The following TTN variants were observed in gnomAD, a reference collection of about 807,000 sequenced individuals.
TTN encodes the protein titin.
A neutral mutation model predicts 3,223.0 loss-of-function variants in TTN; 1,525 were observed. The ratio of observed to expected loss-of-function variants is 0.47; its 90% CI spans 0.45 to 0.49. The LOEUF (loss-of-function observed/expected upper bound fraction) is 0.49, where lower values mean the gene tolerates loss of function less well. Among genes scored for constraint, TTN ranks in the 20% least tolerant of loss-of-function variants. TTN has a pLI of 0.00. For synonymous variants in TTN, 14,094 were observed against 15,161.0 expected, an observed-to-expected ratio of 0.93 and a Z score of 5.17; for missense variants, 40,786 against 43,424.0, an observed-to-expected ratio of 0.94 and a Z score of 5.40.
intron 294 of TTN, among the ~76,000 whole-genome samples, chr2:178,596,722 AT>A (rs2051739338): frequency 6.6e-6 from 1 of 152,088 alleles, no homozygotes; most frequent in Non-Finnish European, 1.5e-5. Flanking sequence ...TGCCATTCTT[AT>A]ATTAATTATA....
chr2:178,775,926 T>C lies in TTN; in HGVS notation c.5938A>G (p.Lys1980Glu), dbSNP rs1437972644. The part of the protein sequence containing the change: ...TTETKEVVKL[K>E]RAERITHEKV... ...TCATGGGTAATTCTTTCAGCCCTTT[T>C]CAACTTCACAACTTCTTTGGTTTCA... The change falls in exon 28 of 363, where the codon AAA becomes GAA. Residue 1980 changes from lysine to glutamate, a missense_variant. Coordinates refer to ENST00000589042, the MANE Select transcript of TTN (RefSeq NM_001267550.2). 6.2e-7 allele frequency: 1 copy of C among 1,614,186 alleles called. No homozygotes were observed. The highest frequency in any genetic ancestry group is 8.5e-7 in the Non-Finnish European group (1 of 1,180,024).
rs781329648 is a variant in TTN, at chr2:178,741,620, G to A, written c.11613C>T (p.Asp3871=). Residue 3871 remains aspartate, a synonymous_variant, in exon 48 of 363, where the codon GAC becomes GAT. Transcript: ENST00000589042. ...GAATGATCAGGCTATGATCATCACC[G>A]TCAAAAACAAATTTGTAGTCAGCAG... ...TPSADYKFVF[D]GDDHSLIILF... 56 of 1,613,730 alleles carry A rather than the reference G, an allele frequency of 3.5e-5. No individual in the cohort carries two copies. Among genetic ancestry groups the A allele is most frequent in the South Asian group, 5.5e-5 (5 of 91,076 alleles).
chr2:178,556,455 C>CAAAAAAAA (rs1358914365), intron 330 of TTN: 2 of 182,754 alleles, frequency 1.1e-5, no homozygotes, highest in African/African-American at 2.5e-5. Context: ...AACAAACAAA[C>CAAAAAAAA]AAAAAAAAAA....
Position 178,636,012 on chromosome 2 carries a change from A to G in TTN, c.41559T>C (p.Thr13853=), listed in dbSNP as rs2060390413. The change falls in exon 226 of 363, where the codon ACT becomes ACC. Residue 13853 remains threonine (T), a synonymous_variant. Transcript: ENST00000589042. This position sits in a 1 kb window ranked among gnomAD's most constrained non-coding sequence, Gnocchi z 4.3. ...DDTDAGTYTV[T]VENANNLECS... ...ACTCCAGGTTGTTGGCGTTTTCCAC[A>G]GTAACTGTGTATGTTCCAGCATCTG... is the stretch of plus-strand genomic sequence containing the variant. The G allele has an allele frequency of 6.2e-7, 1 of 1,612,066 alleles. No individual in the cohort carries two copies. Among genetic ancestry groups the G allele is most frequent in the Non-Finnish European group, 8.5e-7 (1 of 1,178,586 alleles).
rs772128356 is a variant in TTN at position 178,560,662 on chromosome 2, T to A, written c.85470A>T (p.Lys28490Asn). Residue 28490 changes from lysine (K) to asparagine (N), a missense_variant, in exon 326 of 363, where the codon AAA becomes AAT. Transcript: ENST00000589042. ...TCCATGCAAGGTGGCTTGTTTCACG[T>A]TTTTCTACGATGTAATAGTCGATAT... ...GADIDYYIVE[K>N]RETSHLAWTI... 1 of 1,613,502 alleles carries A rather than the reference T, an allele frequency of 6.2e-7. No homozygotes were observed. The highest frequency in any genetic ancestry group is 8.5e-7 in the Non-Finnish European group (1 of 1,179,772).
In TTN at chr2:178,677,627, C is replaced by G. The variant is rs1267423444; in HGVS notation, c.34285G>C (p.Ala11429Pro). 6.2e-7 allele frequency: 1 copy of G among 1,609,892 alleles called. No homozygotes were observed. The highest frequency in any genetic ancestry group is 1.3e-5 in the African/African-American group (1 of 74,714). ...PEVKPKVPVPAPVPEVPKKPV... is the reference protein window; with the variant it reads ...PEVKPKVPVPPPVPEVPKKPV... ...CCAAGAAGAGCTGCTATACCTGGTG[C>G]AGGTACTGGCACCTTAGGTTTAACT... The change falls in exon 146 of 363, where the codon GCA (alanine) becomes CCA (proline). Residue 11429 changes from alanine (A) to proline (P), a missense_variant. Transcript: ENST00000589042.
intron 47 of TTN, chr2:178,747,825 A>AT (rs2084104539): frequency 6.2e-7 from 1 of 1,612,736 alleles, no homozygotes. Context: ...TCTTCATAAC[A>AT]TTTTTCTTCT....
chr2:178,803,218 TTAAA>T (rs1385644454), intron 2 of TTN, among the ~76,000 whole-genome samples: 1 of 152,200 alleles, frequency 6.6e-6, no homozygotes, highest in African/African-American at 2.4e-5. Flanking sequence ...CTATGGCCAA[TTAAA>T]TAGTTTATTG....
Position 178,564,688 on chromosome 2 carries a change from A to G in TTN, c.81444T>C (p.Ser27148=). ...DEGLEYEFKV[S]AENIVGIGKP... is the part of the protein sequence containing the mutation. ...TGCCAATGCCAACAATATTTTCAGC[A>G]GAAACTTTGAACTCATACTCAAGGC... The change falls in exon 326 of 363, where the codon TCT becomes TCC. Residue 27148 remains serine, a synonymous_variant. Coordinates refer to ENST00000589042, the MANE Select transcript of TTN (RefSeq NM_001267550.2). The G allele has an allele frequency of 6.2e-7, 1 of 1,613,480 alleles. No individual in the cohort carries two copies. The highest frequency in any genetic ancestry group is 8.5e-7 in the Non-Finnish European group (1 of 1,179,692).
chr2:178,702,581 G>C lies in TTN; in HGVS notation c.30306C>G (p.Ser10102=). ...HQSATFECEV[S]FDDAIVTWYK... ...ACCATGTTACAATGGCATCATCAAAGGACACTTCACACTCAAAGGTGGCAG... is the reference window on the plus strand; with the variant it reads ...ACCATGTTACAATGGCATCATCAAACGACACTTCACACTCAAAGGTGGCAG... Residue 10102 remains serine, a synonymous_variant, in exon 107 of 363, where the codon TCC becomes TCG. Coordinates refer to ENST00000589042, the MANE Select transcript of TTN (RefSeq NM_001267550.2). 1 of 1,613,924 alleles carries C rather than the reference G, an allele frequency of 6.2e-7. No individual in the cohort carries two copies.
chr2:178,642,615 G>C lies in TTN; in HGVS notation c.40478-298C>G, dbSNP rs185209434. On this transcript the variant is annotated intron_variant, in intron 218 of 362. Coordinates refer to ENST00000589042, the MANE Select transcript of TTN (RefSeq NM_001267550.2). ...TTTATGAATCTTTCATCAAATTACA[G>C]GGTTCTTGACAGCATCTTTGTCCCA... 8.8e-4 allele frequency among the ~76,000 whole-genome samples: 134 copies of C among 152,036 alleles called. 1 individual carries two copies. The East Asian group carries it at 0.019, about 22-fold the overall frequency.
Position 178,531,133 on chromosome 2 carries a change from G to C in TTN, c.105482C>G (p.Thr35161Ser), listed in dbSNP as rs372263729. ...TAGCACTTGTCCTTTACGCAGCCAG[G>C]TCACAGTTGGTACCGGCTCACCATC... ...DTDGEPVPTV[T>S]WLRKGQVLST... The change falls in exon 358 of 363, where the codon ACC becomes AGC. Residue 35161 changes from threonine (T) to serine (S), a missense_variant. Coordinates refer to ENST00000589042, the MANE Select transcript of TTN (RefSeq NM_001267550.2). 6.2e-7 allele frequency: 1 copy of C among 1,613,938 alleles called. No individual in the cohort carries two copies.
chr2:178,732,088 G>A lies in TTN; in HGVS notation c.16881C>T (p.Cys5627=). 6.2e-7 allele frequency: 1 copy of A among 1,611,118 alleles called. No individual in the cohort carries two copies. The highest frequency in any genetic ancestry group is 8.5e-7 in the Non-Finnish European group (1 of 1,177,948). ...EAQNEAGSDH[C]SSIVIVKESP... ...AACCTTTGACTATTACAATGCTACT[G>A]CAGTGGTCACTGCCAGCCTCATTTT... is the stretch of plus-strand genomic sequence containing the variant. The change falls in exon 57 of 363, where the codon TGC becomes TGT. Residue 5627 remains cysteine (C), a synonymous_variant. Transcript: ENST00000589042.
At position 178,614,137 on chromosome 2, in the gene TTN, C is replaced by A. The variant is rs2056859473; in HGVS notation, c.49260G>T (p.Glu16420Asp). ...TTTCTGCAGCAACTCTGAAGATGTA[C>A]TCTTTATTGGGGATTAATTTGGTGG... ...FKATKLIPNK[E>D]YIFRVAAENM... The change falls in exon 262 of 363, where the codon GAG becomes GAT. Residue 16420 changes from glutamate to aspartate, a missense_variant. Physicochemically the swap from Glu to Asp is conservative, Grantham distance 45. Coordinates refer to ENST00000589042, the MANE Select transcript of TTN (RefSeq NM_001267550.2). 6.2e-7 allele frequency: 1 copy of A among 1,612,228 alleles called. No homozygotes were observed. Among genetic ancestry groups the A allele is most frequent in the Admixed American group, 1.7e-5 (1 of 59,826 alleles).
rs377023302 is a variant in TTN at position 178,732,670 on chromosome 2, C to G, written c.16391G>C (p.Gly5464Ala). 56 of 1,606,966 alleles carry G rather than the reference C, an allele frequency of 3.5e-5. No individual in the cohort carries two copies. In the East Asian group the frequency reaches 4.0e-4, roughly 12 times the overall value. Residue 5464 changes from glycine (G) to alanine (A), a missense_variant, in exon 56 of 363, where the codon GGC becomes GCC. By Grantham distance (60) the Gly-to-Ala change is moderately conservative. Transcript: ENST00000589042. ...AGTGCTCTTCAGGCAGACTGCTGAGCCAGGCAGAACATCCTTTGAGCCGGG... is the reference window on the plus strand; with the variant it reads ...AGTGCTCTTCAGGCAGACTGCTGAGGCAGGCAGAACATCCTTTGAGCCGGG... Reference protein sequence around the residue: ...TKPGSKDVLPGSAVCLKSTFQ... With the variant: ...TKPGSKDVLPASAVCLKSTFQ...
chr2:178,541,422 A>G lies in TTN; in HGVS notation c.97655T>C (p.Val32552Ala). The G allele has an allele frequency of 6.2e-7, 1 of 1,613,348 alleles. No homozygotes were observed. Among genetic ancestry groups the G allele is most frequent in the Non-Finnish European group, 8.5e-7 (1 of 1,179,558 alleles). ...GCGGTACCGTGTCATTGTCACAGGT[A>G]CTTTATTTACACGGACCCATCGATC... is the stretch of plus-strand genomic sequence containing the variant. ...RADRWVRVNK[V>A]PVTMTRYRST... is the part of the protein sequence containing the mutation. Residue 32552 changes from valine to alanine, a missense_variant, in exon 350 of 363, where the codon GTA becomes GCA. Val to Ala is a moderately conservative substitution (Grantham distance 64, BLOSUM62 0). Transcript: ENST00000589042.
intron 253 of TTN, 82 bp downstream of exon 253, chr2:178,617,697 C>A: frequency 1.3e-6 from 2 of 1,537,552 alleles, no homozygotes; most frequent in Non-Finnish European, 1.8e-6. Flanking sequence ...TATTAACTTT[C>A]ATTTAACTTG....
At chr2:178,649,219 GA>G in intron 213 of TTN, 28 bp downstream of exon 213, 2 of 1,451,528 alleles carry the variant, frequency 1.4e-6, no homozygotes, top group Non-Finnish European at 9.2e-7. Context: ...AGCAGTTAGA[GA>G]AATCTATTTT....
chr2:178,729,381 T>C lies in TTN; in HGVS notation c.18775A>G (p.Thr6259Ala), dbSNP rs780049500. 59 of 1,613,506 alleles carry C rather than the reference T, an allele frequency of 3.7e-5. 2 individuals carry two copies. In the South Asian group the frequency reaches 6.3e-4, roughly 17 times the overall value. The change falls in exon 64 of 363, where the codon ACC (threonine) becomes GCC (alanine). Residue 6259 changes from threonine to alanine, a missense_variant. Transcript: ENST00000589042. The stretch of plus-strand genomic sequence containing the variant: ...CCAGTGTCTGAAGGGTCACACTTGG[T>C]TATATGGAGGTTAAACACAGACACT... ...DRVSVFNLHI[T>A]KCDPSDTGEY...
Sources: allele counts gnomAD v4.1 joint callset (sites outside exome capture counted in the v4.1 genomes callset), GRCh38; gene constraint gnomAD v4.1.1; non-coding constraint Gnocchi (gnomAD v3.1); transcripts MANE v1.5; gene names NCBI Gene and HGNC (gene_info 2026-07-23, HGNC 2026-07-21).